The following SLCO2B1 variants were observed in gnomAD, a reference collection of about 807,000 sequenced individuals.
SLCO2B1 encodes solute carrier organic anion transporter family member 2B1, also known as OATP-RP2.
In SLCO2B1, 41 loss-of-function variants were observed where a neutral mutation model predicts 67.3. The observed-to-expected ratio is 0.61, with a 90% CI of 0.47 to 0.79. The LOEUF (loss-of-function observed/expected upper bound fraction) is 0.79. SLCO2B1 is among the 30% of genes least tolerant of loss of function. The probability of loss-of-function intolerance (pLI) is 0.00; values close to 1 mark genes in which losing one functional copy is unlikely to be tolerated. For synonymous variants in SLCO2B1, 379 were observed against 381.4 expected (o/e 0.99, Z 0.07); for missense variants, 837 against 920.1 (o/e 0.91, Z 1.17).
rs770176971 is a variant in SLCO2B1, at chr11:75,169,781, C to A, written c.781+17C>A. ...TGCCAGAAGGTGAGCCTCAGGAGCA[C>A]ATGTTTGCTAGACCCTAGCTAACTG... On this transcript the variant is annotated intron_variant, in intron 6 of 13. Coordinates refer to ENST00000289575, the MANE Select transcript of SLCO2B1 (RefSeq NM_007256.5). The A allele has an allele frequency of 1.2e-6, 2 of 1,605,706 alleles. No individual in the cohort carries two copies. The highest frequency in any genetic ancestry group is 4.5e-5 in the East Asian group (2 of 44,844).
intron 11 of SLCO2B1, chr11:75,201,317 T>G (rs1327610999): frequency 2.0e-5 from 3 of 152,066 alleles, no homozygotes; most frequent in Admixed American, 6.6e-5. Context: ...GCCACCACAC[T>G]CGGCTGAGAA....
intron 7 of SLCO2B1, among the ~76,000 whole-genome samples, chr11:75,184,418 T>G (rs1950125736): frequency 6.6e-6 from 1 of 152,226 alleles, no homozygotes; most frequent in Admixed American, 6.5e-5. Flanking sequence ...TAATTTCTAC[T>G]CTGAATGCCT....
At chr11:75,188,945 G>A (rs1944978116) in intron 8 of SLCO2B1, among the ~76,000 whole-genome samples, 2 of 152,184 alleles carry the variant, frequency 1.3e-5, no homozygotes. Flanking sequence ...TGCTGAGCCT[G>A]CAAATGGGAG....
At chr11:75,166,930 C>A (rs1035985344) in intron 4 of SLCO2B1, among the ~76,000 whole-genome samples, 1 of 152,210 alleles carries the variant, frequency 6.6e-6, no homozygotes, top group South Asian at 2.1e-4. Flanking sequence ...CCTCTGAAGT[C>A]CCACTCTGTA....
chr11:75,204,663 G>A lies in SLCO2B1; in HGVS notation c.*83G>A, dbSNP rs1256736985. On this transcript the variant is annotated 3_prime_UTR_variant, in exon 14 of 14. Transcript: ENST00000289575. The stretch of plus-strand genomic sequence containing the variant: ...TCCTTTGCCCAAGATTGGGTGTCAA[G>A]AGCCCTGTGTTCCATTCTGGCTCCT... 1.5e-6 allele frequency: 2 copies of A among 1,295,350 alleles called. No homozygotes were observed. The highest frequency in any genetic ancestry group is 5.1e-5 in the East Asian group (2 of 39,498). The allele number at this position is 1,295,350 out of a possible 1,614,324, so 80.2% of individuals were successfully genotyped here.
chr11:75,167,036 G>T (rs901765545), intron 4 of SLCO2B1, among the ~76,000 whole-genome samples: 2 of 152,186 alleles, frequency 1.3e-5, no homozygotes, highest in African/African-American at 4.8e-5. Flanking sequence ...CTGCTACAAG[G>T]TATAGAGCCC....
chr11:75,153,118 A>T (rs1949710950), intron 1 of SLCO2B1, among the ~76,000 whole-genome samples: 1 of 152,214 alleles, frequency 6.6e-6, no homozygotes, highest in Admixed American at 6.5e-5. Flanking sequence ...ACCTTTGCTC[A>T]GGAAGCCCCT....
intron 8 of SLCO2B1, among the ~76,000 whole-genome samples, chr11:75,191,227 T>G (rs1345245461): frequency 6.6e-6 from 1 of 152,048 alleles, no homozygotes; most frequent in Non-Finnish European, 1.5e-5. Flanking sequence ...GGCCTCTGGA[T>G]GAACTTGGGC....
At chr11:75,203,243 T>G in intron 12 of SLCO2B1, 64 bp from the exon 13 acceptor site, 3 of 1,586,574 alleles carry the variant, frequency 1.9e-6, no homozygotes, top group Non-Finnish European at 2.6e-6. Context: ...GGGTTGTACA[T>G]GCCAGGGAGG....
chr11:75,204,280 G>A, intron 13 of SLCO2B1, 120 bp from the exon 14 acceptor site: 1 of 1,057,946 alleles, frequency 9.5e-7, no homozygotes, highest in Non-Finnish European at 1.4e-6. Context: ...AAGAGCCACA[G>A]CAGAGGTCAA....
Position 75,169,736 on chromosome 11 carries a change from T to G in SLCO2B1, c.753T>G (p.Leu251=), listed in dbSNP as rs1467496722. Residue 251 remains leucine (L), a synonymous_variant, in exon 6 of 14, where the codon CTT becomes CTG. Coordinates refer to ENST00000289575, the MANE Select transcript of SLCO2B1 (RefSeq NM_007256.5). ...GGCTGGGCAGCCTCATGCTGCGCCT[T>G]TATGTGGACATTAACCAGATGCCAG... The part of the protein sequence containing the change: ...AFGLGSLMLR[L]YVDINQMPEG... 1.9e-6 allele frequency: 3 copies of G among 1,614,140 alleles called. No individual in the cohort carries two copies. Among genetic ancestry groups the G allele is most frequent in the Non-Finnish European group, 2.5e-6 (3 of 1,179,984 alleles).
chr11:75,184,935 C>T (rs764057658), intron 7 of SLCO2B1, among the ~76,000 whole-genome samples: 38 of 152,316 alleles, frequency 2.5e-4, no homozygotes, highest in Non-Finnish European at 4.7e-4. Flanking sequence ...GAAGGGAAAT[C>T]TTGCAATCCA....
chr11:75,167,898 T>TC (rs1430063771), intron 4 of SLCO2B1, among the ~76,000 whole-genome samples: 2 of 148,424 alleles, frequency 1.3e-5, no homozygotes, highest in South Asian at 2.2e-4. Flanking sequence ...TTTCTTTCTT[T>TC]TTTTTTTTTT....
chr11:75,157,640 C>A (rs1415101703), intron 1 of SLCO2B1, among the ~76,000 whole-genome samples: 1 of 152,126 alleles, frequency 6.6e-6, no homozygotes, highest in African/African-American at 2.4e-5. Context: ...AGAGCAAGGG[C>A]CACCTATATG....
Position 75,205,856 on chromosome 11 carries a change from C to G in SLCO2B1, c.*1276C>G, listed in dbSNP as rs1022630041. 2 of 152,214 alleles carry G rather than the reference C, an allele frequency of 1.3e-5. No homozygotes were observed. The highest frequency in any genetic ancestry group is 6.5e-5 in the Admixed American group (1 of 15,276). 9.4% of individuals were successfully genotyped at this position (152,214 alleles called of 1,614,324 possible). ...CTCCCAGCCCAACCTATTACCACCC[C>G]ACCTCGCTGGGACCTACTGCTCGGG... On this transcript the variant is annotated 3_prime_UTR_variant, in exon 14 of 14. Coordinates refer to ENST00000289575, the MANE Select transcript of SLCO2B1 (RefSeq NM_007256.5).
chr11:75,192,202 T>G (rs1269411062), intron 8 of SLCO2B1, among the ~76,000 whole-genome samples: 1 of 152,172 alleles, frequency 6.6e-6, no homozygotes, highest in Non-Finnish European at 1.5e-5. Flanking sequence ...TCTTTGATTC[T>G]GCCCCAGACA....
chr11:75,172,932 A>C (rs1278327338), intron 7 of SLCO2B1, among the ~76,000 whole-genome samples: 1 of 151,834 alleles, frequency 6.6e-6, no homozygotes, highest in Non-Finnish European at 1.5e-5. Flanking sequence ...CCGTCTCAAA[A>C]AAAAAAAAAA....
In SLCO2B1 at chr11:75,163,997, C is replaced by G. The variant is rs778109080; in HGVS notation, c.182C>G (p.Ala61Gly). The change falls in exon 3 of 14, where the codon GCG (alanine) becomes GGG (glycine). Residue 61 changes from alanine to glycine, a missense_variant. By Grantham distance (60) the Ala-to-Gly change is moderately conservative (BLOSUM62 0). Coordinates refer to ENST00000289575, the MANE Select transcript of SLCO2B1 (RefSeq NM_007256.5). Reference sequence around the variant, plus strand: ...CTGTGCCACAGCCTGCTGCAGCTGGCGCAGCTCATGATCTCCGGCTACCTA... The same window carrying G: ...CTGTGCCACAGCCTGCTGCAGCTGGGGCAGCTCATGATCTCCGGCTACCTA... ...FVLCHSLLQL[A>G]QLMISGYLKS... 8 of 1,604,248 alleles carry G rather than the reference C, an allele frequency of 5.0e-6. No individual in the cohort carries two copies. The South Asian group carries it at 9.0e-5, about 18-fold the overall frequency.
At chr11:75,179,360 T>C (rs1950067541) in intron 7 of SLCO2B1, among the ~76,000 whole-genome samples, 1 of 151,042 alleles carries the variant, frequency 6.6e-6, no homozygotes, top group African/African-American at 2.4e-5. Context: ...GCCTTCTGAG[T>C]AGCTGGGATT....
Sources: gnomAD v4.1 joint callset for allele counts (sites outside exome capture counted in the v4.1 genomes callset) on GRCh38, gnomAD v4.1.1 for gene constraint, MANE v1.5 for transcripts, NCBI Gene and HGNC (gene_info 2026-07-23, HGNC 2026-07-21) for gene names.